The following SGCD variants were observed in gnomAD, a reference collection of about 807,000 sequenced individuals.
The protein encoded by SGCD is delta-sarcoglycan.
In SGCD, 18 loss-of-function variants were observed where a neutral mutation model predicts 36.6. The ratio of observed to expected loss-of-function variants is 0.49; its 90% CI spans 0.34 to 0.73. SGCD has a LOEUF of 0.73. SGCD is among the 30% of genes least tolerant of loss of function. The pLI is 0.01. For missense variants in SGCD, 387 were observed against 346.7 expected (o/e 1.12, Z -0.92); for synonymous variants, 133 against 130.6 (o/e 1.02, Z -0.12).
intron 3 of SGCD, among the ~76,000 whole-genome samples, chr5:156,217,396 AGAT>A (rs1348891615): frequency 1.5e-4 from 23 of 152,224 alleles, no homozygotes; most frequent in African/African-American, 4.1e-4. Context: ...ATACCTCTAT[AGAT>A]CACCAAGGAG....
At chr5:155,883,579 T>A (rs1439380641) in intron 1 of SGCD, among the ~76,000 whole-genome samples, 2 of 151,992 alleles carry the variant, frequency 1.3e-5, no homozygotes, top group Non-Finnish European at 2.9e-5. Flanking sequence ...ATGGATACAG[T>A]TTGCCATCTG....
the SGCD span, among the ~76,000 whole-genome samples, chr5:155,783,149 A>G: frequency 3.9e-5 from 6 of 152,214 alleles, no homozygotes; most frequent in African/African-American, 1.2e-4. Context: ...ATTAAATGAC[A>G]CAATAAATGT....
intron 1 of SGCD, among the ~76,000 whole-genome samples, chr5:156,108,534 T>C (rs1409208364): frequency 1.3e-5 from 2 of 152,188 alleles, no homozygotes; most frequent in Admixed American, 1.3e-4. Flanking sequence ...TAATGAAATT[T>C]ACTGGGTATT....
chr5:156,346,283 T>A (rs187580295), intron 3 of SGCD, among the ~76,000 whole-genome samples: 2 of 152,030 alleles, frequency 1.3e-5, no homozygotes, highest in Non-Finnish European at 1.5e-5. Flanking sequence ...TCTAAAAAAA[T>A]TTTTCTTTCT....
intron 2 of SGCD, among the ~76,000 whole-genome samples, chr5:156,121,055 G>A (rs966921548): frequency 2.0e-5 from 3 of 152,136 alleles, no homozygotes; most frequent in African/African-American, 7.2e-5. Context: ...TGTGGGGGCA[G>A]CTGGGGTAGC....
At chr5:156,606,118 C>G (rs1761437246) in intron 6 of SGCD, among the ~76,000 whole-genome samples, 2 of 152,136 alleles carry the variant, frequency 1.3e-5, no homozygotes, top group Admixed American at 6.6e-5. Context: ...GAAGTCCTTG[C>G]CCATGCCTAT....
intron 4 of SGCD, among the ~76,000 whole-genome samples, chr5:156,571,307 A>G (rs1290569524): frequency 6.6e-6 from 1 of 152,162 alleles, no homozygotes; most frequent in African/African-American, 2.4e-5. Flanking sequence ...GGGCCTCCCA[A>G]AGTGCTGGGA....
At chr5:155,916,984 T>C (rs1756757508) in intron 1 of SGCD, among the ~76,000 whole-genome samples, 1 of 152,164 alleles carries the variant, frequency 6.6e-6, no homozygotes, top group Non-Finnish European at 1.5e-5. Context: ...TGTGACATTC[T>C]TGCTCTCCTA....
chr5:156,756,939 G>A (rs1264827044), intron 7 of SGCD, among the ~76,000 whole-genome samples: 1 of 152,132 alleles, frequency 6.6e-6, no homozygotes, highest in East Asian at 1.9e-4. Flanking sequence ...GGTTGGTATT[G>A]TAACAATAGT....
intron 7 of SGCD, among the ~76,000 whole-genome samples, chr5:156,672,282 T>C (rs1250559428): frequency 6.6e-6 from 1 of 152,206 alleles, no homozygotes; most frequent in Non-Finnish European, 1.5e-5. Context: ...AGTCCAGCAC[T>C]GTTACCCTCA....
At chr5:156,357,881 A>G (rs1402104540) in intron 3 of SGCD, among the ~76,000 whole-genome samples, 2 of 152,168 alleles carry the variant, frequency 1.3e-5, no homozygotes, top group African/African-American at 4.8e-5. Context: ...TCAACCCCCC[A>G]ACTTTAGAAT....
the SGCD span, among the ~76,000 whole-genome samples, chr5:155,738,515 A>T: frequency 2.0e-5 from 3 of 152,070 alleles, no homozygotes; most frequent in African/African-American, 7.2e-5. Context: ...CTGCCTCATT[A>T]TTTTTCTGAG....
intron 1 of SGCD, among the ~76,000 whole-genome samples, chr5:155,881,741 C>T (rs910856070): frequency 1.3e-4 from 20 of 152,198 alleles, no homozygotes; most frequent in Non-Finnish European, 1.8e-4. Flanking sequence ...TTGATCCTCT[C>T]GAATCCTGCT....
At chr5:156,247,232 G>A (rs1765460635) in intron 3 of SGCD, among the ~76,000 whole-genome samples, 1 of 152,156 alleles carries the variant, frequency 6.6e-6, no homozygotes, top group African/African-American at 2.4e-5. Flanking sequence ...GGATTCTGCG[G>A]GGGCTTAATC....
chr5:156,345,093 G>A lies in SGCD; in HGVS notation c.192+416G>A, dbSNP rs571743273. ...AAACATTTGAGTAAAATTATACTGTGAGCATTATCTATCTAAAAATTTTAA... is the reference window on the plus strand; with the variant it reads ...AAACATTTGAGTAAAATTATACTGTAAGCATTATCTATCTAAAAATTTTAA... On this transcript the variant is annotated intron_variant, in intron 3 of 8. Transcript: ENST00000337851. Among the ~76,000 whole-genome samples the A allele has an allele frequency of 7.4e-4, 112 of 152,102 alleles. 1 individual carries two copies. The highest frequency in any genetic ancestry group is 2.6e-3 in the African/African-American group (108 of 41,366).
chr5:156,632,372 A>T (rs1208412281), intron 6 of SGCD, among the ~76,000 whole-genome samples: 1 of 152,186 alleles, frequency 6.6e-6, no homozygotes, highest in Non-Finnish European at 1.5e-5. Context: ...AAGGAAAGCT[A>T]AAGGATGTTG....
chr5:156,421,181 A>G (rs1198826908), intron 3 of SGCD, among the ~76,000 whole-genome samples: 1 of 152,148 alleles, frequency 6.6e-6, no homozygotes, highest in Non-Finnish European at 1.5e-5. Flanking sequence ...AGTATATGAA[A>G]GGGTTTAAAA....
the SGCD span, among the ~76,000 whole-genome samples, chr5:155,732,434 G>A: frequency 3.1e-4 from 47 of 152,272 alleles, no homozygotes; most frequent in Middle Eastern, 3.4e-3. Context: ...TAGGCTGATG[G>A]AGCCAAAAGT....
At chr5:155,994,719 G>C (rs1023578638) in intron 1 of SGCD, among the ~76,000 whole-genome samples, 1 of 152,128 alleles carries the variant, frequency 6.6e-6, no homozygotes, top group African/African-American at 2.4e-5. Context: ...ATTTTTAAAT[G>C]GTTCTACAAT....
Sources: allele counts gnomAD v4.1 joint callset (sites outside exome capture counted in the v4.1 genomes callset), GRCh38; gene constraint gnomAD v4.1.1; transcripts MANE v1.5; gene names NCBI Gene and HGNC (gene_info 2026-07-23, HGNC 2026-07-21).